DMTF1: variants seen among roughly 807,000 people sequenced by gnomAD.
DMTF1 encodes the protein cyclin-D-binding Myb-like transcription factor 1.
DMTF1 carries 39 observed loss-of-function variants against 91.1 expected under a neutral mutation model. The ratio of observed to expected loss-of-function variants is 0.43; its 90% confidence interval spans 0.33 to 0.56. The LOEUF (loss-of-function observed/expected upper bound fraction) is 0.56, where lower values mean the gene tolerates loss of function less well. DMTF1 is among the 20% of genes least tolerant of loss of function. The pLI is 0.05. For missense variants in DMTF1, 750 were observed against 914.5 expected, an observed-to-expected ratio of 0.82 and a Z score of 2.32; for synonymous variants, 338 against 309.5, an observed-to-expected ratio of 1.09 and a Z score of -0.97.
rs1794981594 is a variant in DMTF1 at position 87,171,155 on chromosome 7, G to C, written c.327+66G>C. Reference sequence around the variant, plus strand: ...TTACACATTGCTTAGCTAATAAAATGATGAGAAACCTCAGCCTCCCAAGTA... The same window carrying C: ...TTACACATTGCTTAGCTAATAAAATCATGAGAAACCTCAGCCTCCCAAGTA... On this transcript the variant is annotated intron_variant, in intron 5 of 17. Transcript: ENST00000331242. The C allele has an allele frequency of 3.5e-6, 4 of 1,128,264 alleles. No homozygotes were observed. The South Asian group carries it at 5.5e-5, about 16-fold the overall frequency. 69.9% of individuals were successfully genotyped at this position (1,128,264 alleles called of 1,614,324 possible). A position where few individuals can be genotyped will look rare whatever the true frequency, so the allele number is the denominator to read the frequency against.
rs770908069 is a variant in DMTF1, at chr7:87,194,722, A to C, written c.2067A>C (p.Gln689His). The change falls in exon 17 of 18, where the codon CAA (glutamine) becomes CAC (histidine). Residue 689 changes from glutamine (Q) to histidine (H), a missense_variant. By Grantham distance (24) the Gln-to-His change is conservative. Coordinates refer to ENST00000331242, the MANE Select transcript of DMTF1 (RefSeq NM_001142327.2). ...ESPTIEEQVD[Q>H]TIDDETILIV... is the part of the protein sequence containing the mutation. ...CCACTATAGAAGAACAAGTTGATCA[A>C]ACAATTGATGATGAAACAATACTTA... 4 of 1,611,294 alleles carry C rather than the reference A, an allele frequency of 2.5e-6. No homozygotes were observed. The highest frequency in any genetic ancestry group is 2.5e-6 in the Non-Finnish European group (3 of 1,178,050).
In DMTF1 at chr7:87,189,191, T is replaced by C. The variant is rs115154964; in HGVS notation, c.1411+890T>C. On this transcript the variant is annotated intron_variant, in intron 13 of 17. Transcript: ENST00000331242. ...GAAACACCCTGCATGTTTCCAAATA[T>C]ACCATTATGATTCCCTGGTTGAGAA... is the stretch of plus-strand genomic sequence containing the variant. 6.9e-3 allele frequency among the ~76,000 whole-genome samples: 1,057 copies of C among 152,256 alleles called. 8 individuals carry two copies. Among genetic ancestry groups the C allele is most frequent in the African/African-American group, 0.024 (982 of 41,558 alleles).
intron 15 of DMTF1, 163 bp from the exon 16 acceptor site, chr7:87,193,562 T>C: frequency 1.2e-6 from 1 of 822,674 alleles, no homozygotes; most frequent in Non-Finnish European, 1.9e-6. Context: ...AATAGGGACA[T>C]TAGAAGAACA....
Position 87,165,041 on chromosome 7 carries a change from C to T in DMTF1, c.100C>T (p.Pro34Ser), listed in dbSNP as rs770868675. The change falls in exon 3 of 18, where the codon CCT (proline) becomes TCT (serine). Residue 34 changes from proline to serine, a missense_variant. Physicochemically the swap from Pro to Ser is moderately conservative, Grantham distance 74. Around this residue, in one of 3 missense-constraint regions of DMTF1, gnomAD observed 150 missense variants for 150.4 expected, o/e 1.00. Transcript: ENST00000331242. ...DTEGNLILHC[P>S]QNEADEIDSE... ...AGAAGGGAATCTCATTCTTCACTGC[C>T]CTCAGAATGGTAGGAGAACTTGCTG... 6.2e-7 allele frequency: 1 copy of T among 1,603,830 alleles called. No homozygotes were observed. Among genetic ancestry groups the T allele is most frequent in the Non-Finnish European group, 8.5e-7 (1 of 1,172,924 alleles).
At chr7:87,194,852 T>TAG in intron 17 of DMTF1, 24 bp downstream of exon 17, 1 of 1,580,634 alleles carries the variant, frequency 6.3e-7, no homozygotes, top group Non-Finnish European at 8.6e-7. Context: ...ATACTTACTA[T>TAG]GTGCCTGATA....
chr7:87,185,523 TG>T (rs1798218520), intron 11 of DMTF1, among the ~76,000 whole-genome samples: 1 of 152,232 alleles, frequency 6.6e-6, no homozygotes, highest in Non-Finnish European at 1.5e-5. Context: ...CAACTAAATC[TG>T]TTCTTATTCT....
In DMTF1 at chr7:87,193,952, A is replaced by G; in HGVS notation, c.1878A>G (p.Ser626=). The change falls in exon 16 of 18, where the codon TCA becomes TCG. Residue 626 remains serine (S), a synonymous_variant. Coordinates refer to ENST00000331242, the MANE Select transcript of DMTF1 (RefSeq NM_001142327.2). ...IHHPKMTVEP[S]FNDAHVSKFS... The stretch of plus-strand genomic sequence containing the variant: ...ACCCTAAGATGACTGTGGAGCCATC[A>G]TTTAATGATGCTCATGTATCCAAAT... The G allele has an allele frequency of 6.2e-7, 1 of 1,613,434 alleles. No homozygotes were observed. The highest frequency in any genetic ancestry group is 1.3e-5 in the African/African-American group (1 of 75,004).
At position 87,164,926 on chromosome 7, in the gene DMTF1, T is replaced by A; in HGVS notation, c.-8-8T>A. 1 of 1,531,858 alleles carries A rather than the reference T, an allele frequency of 6.5e-7. No individual in the cohort carries two copies. Among genetic ancestry groups the A allele is most frequent in the Non-Finnish European group, 9.0e-7 (1 of 1,116,048 alleles). 94.9% of individuals were successfully genotyped at this position (1,531,858 alleles called of 1,614,324 possible). A position where few individuals can be genotyped will look rare whatever the true frequency, so the allele number is the denominator to read the frequency against. On this transcript the variant is annotated splice_polypyrimidine_tract_variant and splice_region_variant and intron_variant, in intron 2 of 17. Transcript: ENST00000331242. ...TGAAATCCTGATCTGGAATCTGTTC[T>A]TGTACAGATTTGAGTATGAGCACAG...
chr7:87,190,991 A>G lies in DMTF1; in HGVS notation c.1458A>G (p.Leu486=). The G allele has an allele frequency of 3.1e-6, 5 of 1,610,346 alleles. No homozygotes were observed. Among genetic ancestry groups the G allele is most frequent in the African/African-American group, 1.3e-5 (1 of 74,852 alleles). The part of the protein sequence containing the change: ...PATVDSETIT[L]NSGTLQTFEI... Reference sequence around the variant, plus strand: ...CCGTTGACTCAGAAACAATAACACTAAACAGTGGAACACTACAGACATTTG... The same window carrying G: ...CCGTTGACTCAGAAACAATAACACTGAACAGTGGAACACTACAGACATTTG... Residue 486 remains leucine, a synonymous_variant, in exon 14 of 18, where the codon CTA becomes CTG. Transcript: ENST00000331242.
At chr7:87,191,168 A>G in intron 14 of DMTF1, 141 bp downstream of exon 14, 1 of 593,890 alleles carries the variant, frequency 1.7e-6, no homozygotes, top group Non-Finnish European at 2.9e-6. Flanking sequence ...CTACTTTTAT[A>G]ATTTTAATCA....
At chr7:87,163,915 C>T (rs556072457) in intron 2 of DMTF1, among the ~76,000 whole-genome samples, 4 of 152,088 alleles carry the variant, frequency 2.6e-5, no homozygotes, top group South Asian at 2.1e-4. Context: ...CGTGTTGGCA[C>T]GTGCCTGTAC....
intron 1 of DMTF1, among the ~76,000 whole-genome samples, chr7:87,156,143 C>G (rs1562767899): frequency 6.6e-6 from 1 of 152,166 alleles, no homozygotes; most frequent in Non-Finnish European, 1.5e-5. Context: ...AGGATGAAAT[C>G]TTTCAAGTGT....
At chr7:87,191,968 G>A (rs1180108544) in intron 14 of DMTF1, among the ~76,000 whole-genome samples, 1 of 152,020 alleles carries the variant, frequency 6.6e-6, no homozygotes, top group Non-Finnish European at 1.5e-5. Context: ...GGCCACCTTT[G>A]GAACTTTTTA....
chr7:87,192,833 C>T (rs1049928992), intron 14 of DMTF1: 4 of 176,916 alleles, frequency 2.3e-5, no homozygotes, highest in East Asian at 2.8e-4. Context: ...TTCAAGTAAA[C>T]ACTGCTGTTG....
intron 12 of DMTF1, chr7:87,187,794 C>A: frequency 2.8e-6 from 1 of 360,208 alleles, no homozygotes; most frequent in Non-Finnish European, 5.1e-6. Flanking sequence ...CCTATCAAGA[C>A]ACCCTAGAAT....
At chr7:87,186,138 AGAG>A in intron 12 of DMTF1, 158 bp downstream of exon 12, 1 of 739,746 alleles carries the variant, frequency 1.4e-6, no homozygotes, top group East Asian at 2.7e-5. Flanking sequence ...TTCCTTCCCC[AGAG>A]AAGAGTTAAT....
rs1250700364 is a variant in DMTF1 at position 87,193,214 on chromosome 7, C to A, written c.1511C>A (p.Pro504His). Residue 504 changes from proline (P) to histidine (H), a missense_variant, in exon 15 of 18, where the codon CCC becomes CAC. Physicochemically the swap from Pro to His is moderately conservative, Grantham distance 77. This residue lies in a region of DMTF1 where 410 missense variants were observed against 420.2 expected (regional missense o/e 0.98). Transcript: ENST00000331242. ...TTCCTTTAGTCTTTCCATCTACAGC[C>A]CACTGGCACTCCAGGCACCTACCTA... ...FEILPSFHLQ[P>H]TGTPGTYLLQ... 1.9e-6 allele frequency: 3 copies of A among 1,613,178 alleles called. No individual in the cohort carries two copies. The highest frequency in any genetic ancestry group is 2.5e-6 in the Non-Finnish European group (3 of 1,179,462).
At position 87,163,622 on chromosome 7, in the gene DMTF1, G is replaced by A. The variant is rs1793059264; in HGVS notation, c.-9+5G>A. On this transcript the variant is annotated splice_donor_5th_base_variant and intron_variant, in intron 2 of 17. Transcript: ENST00000331242. ...GCTGATCCATCCGTTGTCTAGGTAAGTCTGCTTCTGTTGCAAGGATCTCAC... is the reference window on the plus strand; with the variant it reads ...GCTGATCCATCCGTTGTCTAGGTAAATCTGCTTCTGTTGCAAGGATCTCAC... 3 of 152,188 alleles carry A rather than the reference G, an allele frequency of 2.0e-5. No individual in the cohort carries two copies. The highest frequency in any genetic ancestry group is 7.2e-5 in the African/African-American group (3 of 41,456). The allele number at this position is 152,188 out of a possible 1,614,324, so 9.4% of individuals were successfully genotyped here.
chr7:87,159,408 T>G (rs75244620), intron 1 of DMTF1, among the ~76,000 whole-genome samples: 3,969 of 151,680 alleles, frequency 0.026, 78 homozygotes, highest in East Asian at 0.065. Flanking sequence ...TGTACACCAA[T>G]AGAATTTTCA....
Sources: allele counts gnomAD v4.1 joint callset (sites outside exome capture counted in the v4.1 genomes callset), GRCh38; gene constraint gnomAD v4.1.1; regional missense constraint gnomAD v4.1.1; transcripts MANE v1.5; gene names NCBI Gene and HGNC (gene_info 2026-07-23, HGNC 2026-07-21).